Variants in ST8SIA5 observed in about 807,000 individuals in gnomAD.
ST8SIA5 encodes the protein alpha-2,8-sialyltransferase 8E.
ST8SIA5 carries 24 observed loss-of-function variants against 40.2 expected under a neutral mutation model. That is an observed-to-expected ratio of 0.60 (90% CI 0.43 to 0.84). The LOEUF (loss-of-function observed/expected upper bound fraction) is 0.84. Ranked by LOEUF, ST8SIA5 falls within the 40% of genes least tolerant of loss-of-function variation. The pLI is 0.00. For missense variants in ST8SIA5, 465 were observed against 498.5 expected, an observed-to-expected ratio of 0.93 and a Z score of 0.64; for synonymous variants, 198 against 201.8, an observed-to-expected ratio of 0.98 and a Z score of 0.16.
intron 1 of ST8SIA5, among the ~76,000 whole-genome samples, chr18:46,752,656 G>A (rs1358037527): frequency 6.6e-6 from 1 of 152,192 alleles, no homozygotes; most frequent in Non-Finnish European, 1.5e-5. Context: ...CACAGGGAGA[G>A]CCCAGGGTCC....
At chr18:46,688,748 C>G (rs756064525) in intron 4 of ST8SIA5, 27 bp downstream of exon 4, 5 of 1,598,722 alleles carry the variant, frequency 3.1e-6, no homozygotes, top group Non-Finnish European at 4.3e-6. Flanking sequence ...CTCGCCCCAC[C>G]CAGACCGCCC....
rs973386728 is a variant in ST8SIA5 at position 46,675,246 on chromosome 18, G to A, written c.*4796C>T. ...GCCAAGGCAACCTGTGCTTGCTAGT[G>A]TCTAGTTTGTGCTGGGCACTGTGCT... On this transcript the variant is annotated 3_prime_UTR_variant, in exon 7 of 7. Transcript: ENST00000315087. 2 of 152,248 alleles carry A rather than the reference G, an allele frequency of 1.3e-5. No individual in the cohort carries two copies. The highest frequency in any genetic ancestry group is 2.9e-5 in the Non-Finnish European group (2 of 68,084). 9.4% of individuals were successfully genotyped at this position (152,248 alleles called of 1,614,324 possible).
At chr18:46,703,587 C>A (rs866848389) in intron 2 of ST8SIA5, among the ~76,000 whole-genome samples, 11 of 152,284 alleles carry the variant, frequency 7.2e-5, no homozygotes, top group Middle Eastern at 6.8e-3. Flanking sequence ...TGCTCTTCCC[C>A]TGATGCACAC....
chr18:46,718,964 C>T (rs539200164), intron 1 of ST8SIA5, among the ~76,000 whole-genome samples: 90 of 152,280 alleles, frequency 5.9e-4, no homozygotes, highest in Non-Finnish European at 8.5e-4. Context: ...GCTGCTCACA[C>T]GCCAGGGTAA....
At chr18:46,739,267 T>C (rs944610647) in intron 1 of ST8SIA5, among the ~76,000 whole-genome samples, 5 of 151,994 alleles carry the variant, frequency 3.3e-5, no homozygotes, top group African/African-American at 9.7e-5. Flanking sequence ...ACTGGCCGGG[T>C]GTGGTGGCTC....
intron 1 of ST8SIA5, among the ~76,000 whole-genome samples, chr18:46,749,956 A>G (rs60662653): frequency 0.14 from 21,798 of 152,094 alleles, 1,715 homozygotes; most frequent in South Asian, 0.17. Flanking sequence ...GAAGTCTACA[A>G]CCTGCAGGAG....
intron 1 of ST8SIA5, among the ~76,000 whole-genome samples, chr18:46,748,242 T>A (rs9959281): frequency 0.53 from 67,786 of 126,998 alleles, 15,321 homozygotes; most frequent in Middle Eastern, 0.59. Flanking sequence ...ATAAATTAAT[T>A]AATTTAAAAA....
chr18:46,685,962 T>G, intron 5 of ST8SIA5: 1 of 585,132 alleles, frequency 1.7e-6, no homozygotes. Flanking sequence ...ACATCTCCCA[T>G]TGTGCAGATG....
intron 1 of ST8SIA5, among the ~76,000 whole-genome samples, chr18:46,713,865 T>G: frequency 6.7e-6 from 1 of 149,508 alleles, no homozygotes; most frequent in African/African-American, 2.5e-5. Flanking sequence ...AGGCCAGGAG[T>G]GGGAAATGTT....
In ST8SIA5 at chr18:46,704,212, C is replaced by T. The variant is rs773879517; in HGVS notation, c.224+360G>A. The stretch of plus-strand genomic sequence containing the variant: ...AGCAAGAGGGCAACGCTTAACCCTG[C>T]GGTGCAACATACTGAATTTCAGGCA... On this transcript the variant is annotated intron_variant, in intron 2 of 6. Coordinates refer to ENST00000315087, the MANE Select transcript of ST8SIA5 (RefSeq NM_013305.6). Among the ~76,000 whole-genome samples the T allele has an allele frequency of 2.6e-5, 4 of 152,142 alleles. No homozygotes were observed. The East Asian group carries it at 5.8e-4, about 22-fold the overall frequency.
intron 1 of ST8SIA5, among the ~76,000 whole-genome samples, chr18:46,725,030 AGG>A (rs1387108898): frequency 2.0e-5 from 3 of 150,844 alleles, no homozygotes; most frequent in African/African-American, 7.4e-5. Flanking sequence ...GAAGGAAGGA[AGG>A]AAGGAAGGAA....
chr18:46,692,084 G>A, intron 3 of ST8SIA5, 85 bp downstream of exon 3: 1 of 1,417,020 alleles, frequency 7.1e-7, no homozygotes, highest in Admixed American at 1.7e-5. Context: ...CTGAGAGCTG[G>A]GCCTTGCAGG....
Position 46,725,992 on chromosome 18 carries a change from TATATATATATATATATATCCTGG to T in ST8SIA5, c.132-21351_132-21329del, listed in dbSNP as rs1324819774. Among the ~76,000 whole-genome samples, 155 of 65,598 alleles carry T rather than the reference TATATATATATATATATATCCTGG, an allele frequency of 2.4e-3. 2 individuals carry two copies. Among genetic ancestry groups the T allele is most frequent in the African/African-American group, 7.6e-3 (144 of 19,058 alleles). The allele number at this position is 65,598 out of a possible 152,430, so 43.0% of individuals were successfully genotyped here. Reference sequence around the variant, plus strand: ...AAAAAAATATATATATATATATATATATATATATATATATATATCCTGGATATATATATATATCCTGGATATAT... The same window carrying T: ...AAAAAAATATATATATATATATATATATATATATATATATCCTGGATATAT... On this transcript the variant is annotated intron_variant, in intron 1 of 6. Transcript: ENST00000315087.
At chr18:46,726,927 A>AAAC (rs751091993) in intron 1 of ST8SIA5, among the ~76,000 whole-genome samples, 4 of 152,298 alleles carry the variant, frequency 2.6e-5, no homozygotes, top group African/African-American at 9.6e-5. Context: ...ACAAACAAAC[A>AAAC]AACAACAACA....
rs1348426559 is a variant in ST8SIA5 at position 46,680,252 on chromosome 18, A to G, written c.921T>C (p.Thr307=). The G allele has an allele frequency of 2.5e-6, 4 of 1,614,108 alleles. No individual in the cohort carries two copies. The South Asian group carries it at 3.3e-5, about 13-fold the overall frequency. The part of the protein sequence containing the change: ...KRISTGLILV[T]AALELCEEVH... ...CCTCCTCACAGAGCTCCAGCGCCGCAGTGACCAGAATGAGGCCGGTGCTGA... is the reference window on the plus strand; with the variant it reads ...CCTCCTCACAGAGCTCCAGCGCCGCGGTGACCAGAATGAGGCCGGTGCTGA... The change falls in exon 7 of 7, where the codon ACT becomes ACC. Residue 307 remains threonine, a synonymous_variant. Coordinates refer to ENST00000315087, the MANE Select transcript of ST8SIA5 (RefSeq NM_013305.6).
At chr18:46,741,712 A>G (rs1193328949) in intron 1 of ST8SIA5, among the ~76,000 whole-genome samples, 1 of 152,248 alleles carries the variant, frequency 6.6e-6, no homozygotes, top group Non-Finnish European at 1.5e-5. Flanking sequence ...TAAGTTGAAC[A>G]TCTATTAAAG....
chr18:46,699,270 A>G (rs1327109267), intron 2 of ST8SIA5, among the ~76,000 whole-genome samples: 1 of 152,240 alleles, frequency 6.6e-6, no homozygotes, highest in Non-Finnish European at 1.5e-5. Context: ...GGTAATCTAT[A>G]GACAGACTAA....
intron 1 of ST8SIA5, among the ~76,000 whole-genome samples, chr18:46,754,682 C>A (rs935133302): frequency 6.6e-6 from 1 of 152,228 alleles, no homozygotes; most frequent in Non-Finnish European, 1.5e-5. Context: ...TGGCAGCTAG[C>A]CCACCCACCC....
chr18:46,721,149 C>T (rs73953880), intron 1 of ST8SIA5, among the ~76,000 whole-genome samples: 1,868 of 152,274 alleles, frequency 0.012, 48 homozygotes, highest in African/African-American at 0.043. Flanking sequence ...AGTGAATCCC[C>T]GCTTGGTTGT....
Sources: gnomAD v4.1 joint callset for allele counts (sites outside exome capture counted in the v4.1 genomes callset) on GRCh38, gnomAD v4.1.1 for gene constraint, MANE v1.5 for transcripts, NCBI Gene and HGNC (gene_info 2026-07-23, HGNC 2026-07-21) for gene names.